MAP2K2: variants seen among roughly 807,000 people sequenced by gnomAD.
MAP2K2 encodes dual specificity mitogen-activated protein kinase kinase 2.
A neutral mutation model predicts 43.7 loss-of-function variants in MAP2K2; 24 were observed. That is an observed-to-expected ratio of 0.55 (90% CI 0.40 to 0.77). The LOEUF is 0.77. Among genes scored for constraint, MAP2K2 ranks in the 30% least tolerant of loss-of-function variants. The pLI is 0.00. For synonymous variants in MAP2K2, 244 were observed against 239.7 expected, an observed-to-expected ratio of 1.02 and a Z score of -0.17; for missense variants, 470 against 566.8, an observed-to-expected ratio of 0.83 and a Z score of 1.73.
chr19:4,121,038 AC>A (rs1435941440), intron 1 of MAP2K2, among the ~76,000 whole-genome samples: 1 of 151,792 alleles, frequency 6.6e-6, no homozygotes, highest in Non-Finnish European at 1.5e-5. Flanking sequence ...CGGCACCCGG[AC>A]CCCAGCCAAG....
chr19:4,119,314 C>T (rs1356447827), intron 1 of MAP2K2, among the ~76,000 whole-genome samples: 6 of 152,050 alleles, frequency 3.9e-5, no homozygotes, highest in Non-Finnish European at 7.4e-5. Flanking sequence ...CTCCACCTCA[C>T]GGGTTCAAGC....
At position 4,111,159 on chromosome 19, in the gene MAP2K2, T is replaced by C. The variant is rs192044062; in HGVS notation, c.304-504A>G. Among the ~76,000 whole-genome samples the C allele has an allele frequency of 1.9e-4, 29 of 152,212 alleles. No individual in the cohort carries two copies. The East Asian group carries it at 5.2e-3, about 27-fold the overall frequency. The stretch of plus-strand genomic sequence containing the variant: ...GAGGGGATGGGGGTGACTGCTGATG[T>C]GGACAGGGTTCTTTTTGGGGTGATG... On this transcript the variant is annotated intron_variant, in intron 2 of 10. Coordinates refer to ENST00000262948, the MANE Select transcript of MAP2K2 (RefSeq NM_030662.4).
intron 7 of MAP2K2, 34 bp from the exon 8 acceptor site, chr19:4,097,377 C>G (rs779939393): frequency 1.3e-6 from 2 of 1,539,554 alleles, no homozygotes; most frequent in Non-Finnish European, 1.8e-6. Flanking sequence ...TGAGATGGGC[C>G]GATGGCCACC....
chr19:4,103,118 G>A, intron 3 of MAP2K2: 1 of 999,072 alleles, frequency 1.0e-6, no homozygotes, highest in Non-Finnish European at 1.2e-6. Context: ...GACTGCAGGA[G>A]GGATCCCAGT....
At chr19:4,100,383 T>G (rs1392554623) in intron 6 of MAP2K2, 3 of 134,568 alleles carry the variant, frequency 2.2e-5, no homozygotes, top group African/African-American at 8.8e-5. Flanking sequence ...TGAGCCAAGA[T>G]TGTGCCATTG....
At chr19:4,112,535 C>T (rs2041166892) in intron 2 of MAP2K2, among the ~76,000 whole-genome samples, 2 of 152,186 alleles carry the variant, frequency 1.3e-5, no homozygotes, top group South Asian at 4.1e-4. Context: ...GGGAGTGGCC[C>T]CTGCTCTAGG....
In MAP2K2 at chr19:4,110,657, T is replaced by C; in HGVS notation, c.304-2A>G. On this transcript the variant is annotated splice_acceptor_variant, in intron 2 of 10. Coordinates refer to ENST00000262948, the MANE Select transcript of MAP2K2 (RefSeq NM_030662.4). LOFTEE classifies it high-confidence loss of function. Reference sequence around the variant, plus strand: ...CGGCTTGATCTCAAGGTGGATCAGCTGCAAGGGGAGAGGGGCGAGACTGGC... The same window carrying C: ...CGGCTTGATCTCAAGGTGGATCAGCCGCAAGGGGAGAGGGGCGAGACTGGC... 1.2e-6 allele frequency: 2 copies of C among 1,611,646 alleles called. No individual in the cohort carries two copies. The highest frequency in any genetic ancestry group is 1.7e-6 in the Non-Finnish European group (2 of 1,179,200).
chr19:4,120,523 G>A, intron 1 of MAP2K2, among the ~76,000 whole-genome samples: 1 of 152,104 alleles, frequency 6.6e-6, no homozygotes, highest in Non-Finnish European at 1.5e-5. Flanking sequence ...TGCCATGTTG[G>A]CCAGGTTGGT....
intron 3 of MAP2K2, among the ~76,000 whole-genome samples, chr19:4,108,539 C>A (rs2145066685): frequency 6.6e-6 from 1 of 152,104 alleles, no homozygotes; most frequent in South Asian, 2.1e-4. Flanking sequence ...TGAGCCACCG[C>A]CCCTGGCTAG....
At chr19:4,102,878 G>A (rs45542131) in intron 3 of MAP2K2, 159,737 of 1,173,810 alleles carry the variant, frequency 0.14, 12,050 homozygotes, top group Non-Finnish European at 0.15. Flanking sequence ...TCTTGGGCCT[G>A]CGTCCTCTTC....
At position 4,123,965 on chromosome 19, in the gene MAP2K2, G is replaced by A; in HGVS notation, c.-90C>T. 1.0e-5 allele frequency: 6 copies of A among 580,940 alleles called. No homozygotes were observed. Among genetic ancestry groups the A allele is most frequent in the Non-Finnish European group, 1.3e-5 (6 of 450,498 alleles). 36.0% of individuals were successfully genotyped at this position (580,940 alleles called of 1,614,324 possible). ...CGGTCGGCGCCTACGCGAGCCCGGGGCTGCGGCCGCGGCCCAGGCCGGCGT... is the reference window on the plus strand; with the variant it reads ...CGGTCGGCGCCTACGCGAGCCCGGGACTGCGGCCGCGGCCCAGGCCGGCGT... On this transcript the variant is annotated 5_prime_UTR_variant, in exon 1 of 11. Coordinates refer to ENST00000262948, the MANE Select transcript of MAP2K2 (RefSeq NM_030662.4).
intron 7 of MAP2K2, 60 bp downstream of exon 7, chr19:4,099,141 C>A (rs1042580280): frequency 6.9e-7 from 1 of 1,448,832 alleles, no homozygotes; most frequent in East Asian, 2.4e-5. Flanking sequence ...GACCCTGGCA[C>A]AGCAGGCCCC....
rs397517413 is a variant in MAP2K2, at chr19:4,110,568, C to A, written c.391G>T (p.Val131Leu). ...VLHECNSPYIVGFYGAFYSDG... is the reference protein window; with the variant it reads ...VLHECNSPYILGFYGAFYSDG... The stretch of plus-strand genomic sequence containing the variant: ...CTGTAGAAGGCCCCGTAGAAGCCCA[C>A]GATGTACGGCGAGTTGCATTCGTGC... The change falls in exon 3 of 11, where the codon GTG (valine) becomes TTG (leucine). Residue 131 changes from valine to leucine, a missense_variant. Val to Leu is a conservative substitution (Grantham distance 32). Around this residue, in one of 3 missense-constraint regions of MAP2K2, gnomAD observed 200 missense variants for 297.9 expected, o/e 0.67. Coordinates refer to ENST00000262948, the MANE Select transcript of MAP2K2 (RefSeq NM_030662.4). 2 of 1,613,872 alleles carry A rather than the reference C, an allele frequency of 1.2e-6. No homozygotes were observed. Among genetic ancestry groups the A allele is most frequent in the African/African-American group, 1.3e-5 (1 of 74,928 alleles).
chr19:4,120,828 C>A (rs987728921), intron 1 of MAP2K2, among the ~76,000 whole-genome samples: 2 of 152,140 alleles, frequency 1.3e-5, no homozygotes, highest in Non-Finnish European at 2.9e-5. Flanking sequence ...AAACCCCACA[C>A]GGAAGAGAAA....
Position 4,101,278 on chromosome 19 carries a change from A to T in MAP2K2, c.531T>A (p.Val177=). 6.3e-7 allele frequency: 1 copy of T among 1,581,246 alleles called. No individual in the cohort carries two copies. Among genetic ancestry groups the T allele is most frequent in the Non-Finnish European group, 8.6e-7 (1 of 1,164,444 alleles). Residue 177 remains valine, a splice_region_variant and synonymous_variant, in exon 5 of 11, where the codon GTT becomes GTA. Coordinates refer to ENST00000262948, the MANE Select transcript of MAP2K2 (RefSeq NM_030662.4). The surrounding 1 kb of genome is among the most constrained non-coding windows in gnomAD (Gnocchi z 6.3). ...EEILGKVSIA[V]LRGLAYLREK... ...CTCGGAGGTACGCCAAGCCCCGGAG[A>T]ACCTGCAGGGGAGCGCGGAGGGAGT...
rs115066613 is a variant in MAP2K2 at position 4,100,840 on chromosome 19, A to G, written c.705+179T>C. Reference sequence around the variant, plus strand: ...ATGTAGGAGTGTGTGCCCACGAAATAGTTGGGAAAGCCTCGTGGGAGGCGG... The same window carrying G: ...ATGTAGGAGTGTGTGCCCACGAAATGGTTGGGAAAGCCTCGTGGGAGGCGG... On this transcript the variant is annotated intron_variant, in intron 6 of 10. Transcript: ENST00000262948. 9,035 of 711,796 alleles carry G rather than the reference A, an allele frequency of 0.013. 593 individuals carry two copies. The African/African-American group carries it at 0.14, about 11-fold the overall frequency. The allele number at this position is 711,796 out of a possible 1,614,324, so 44.1% of individuals were successfully genotyped here. A position where few individuals can be genotyped will look rare whatever the true frequency, so the allele number is the denominator to read the frequency against.
At chr19:4,094,231 C>G (rs770291142) in intron 10 of MAP2K2, among the ~76,000 whole-genome samples, 1 of 152,158 alleles carries the variant, frequency 6.6e-6, no homozygotes, top group African/African-American at 2.4e-5. Flanking sequence ...GCTGTTCCCA[C>G]GCACACACCC....
At chr19:4,119,829 T>C (rs2041270634) in intron 1 of MAP2K2, among the ~76,000 whole-genome samples, 1 of 152,228 alleles carries the variant, frequency 6.6e-6, no homozygotes, top group Non-Finnish European at 1.5e-5. Context: ...GAGAGGGGAC[T>C]GAAGCAGGGA....
At chr19:4,098,688 C>T (rs553700345) in intron 7 of MAP2K2, among the ~76,000 whole-genome samples, 1 of 152,290 alleles carries the variant, frequency 6.6e-6, no homozygotes, top group Non-Finnish European at 1.5e-5. Context: ...GTCCCTGGGG[C>T]CTGAGCCCTC....
Sources: gnomAD v4.1 joint callset for allele counts (sites outside exome capture counted in the v4.1 genomes callset) on GRCh38, gnomAD v4.1.1 for gene constraint, gnomAD v4.1.1 regional missense constraint, Gnocchi (gnomAD v3.1) non-coding constraint, MANE v1.5 for transcripts, NCBI Gene and HGNC (gene_info 2026-07-23, HGNC 2026-07-21) for gene names.